The following NDNF variants were observed in gnomAD, a reference collection of about 807,000 sequenced individuals.
The protein encoded by NDNF is neuron derived neurotrophic factor.
A neutral mutation model predicts 42.0 loss-of-function variants in NDNF; 16 were observed. That is an observed-to-expected ratio of 0.38 (90% confidence interval 0.26 to 0.58). The LOEUF (loss-of-function observed/expected upper bound fraction) is 0.58. Ranked by LOEUF, NDNF falls within the 20% of genes least tolerant of loss-of-function variation. The pLI is 0.67. For missense variants in NDNF, 616 were observed against 666.2 expected, an observed-to-expected ratio of 0.92 and a Z score of 0.83; for synonymous variants, 248 against 251.7, an observed-to-expected ratio of 0.99 and a Z score of 0.14.
intron 2 of NDNF, among the ~76,000 whole-genome samples, chr4:121,043,518 G>A (rs903218871): frequency 1.3e-4 from 20 of 151,960 alleles, no homozygotes; most frequent in African/African-American, 3.6e-4. Context: ...GCGGAAAAAA[G>A]ATAAATATAA....
At chr4:121,053,472 GAGA>G (rs144732576) in intron 1 of NDNF, among the ~76,000 whole-genome samples, 2,408 of 152,274 alleles carry the variant, frequency 0.016, 30 homozygotes, top group Middle Eastern at 0.051. Context: ...TAATGCCAAT[GAGA>G]AGAATAATGA....
At chr4:121,060,448 TG>T (rs1287266945) in intron 1 of NDNF, among the ~76,000 whole-genome samples, 2 of 152,084 alleles carry the variant, frequency 1.3e-5, no homozygotes, top group Admixed American at 6.5e-5. Context: ...TCCAGAGTGT[TG>T]GGATTACAGG....
At chr4:121,045,148 C>A (rs996288230) in intron 2 of NDNF, among the ~76,000 whole-genome samples, 4 of 152,132 alleles carry the variant, frequency 2.6e-5, no homozygotes, top group Admixed American at 2.0e-4. Flanking sequence ...GTCAGGAGAT[C>A]GAGACTATCC....
chr4:121,037,065 A>G lies in NDNF; in HGVS notation c.906T>C (p.Ser302=). 1.2e-6 allele frequency: 2 copies of G among 1,613,938 alleles called. No homozygotes were observed. Among genetic ancestry groups the G allele is most frequent in the East Asian group, 4.5e-5 (2 of 44,880 alleles). Residue 302 remains serine, a synonymous_variant, in exon 4 of 4, where the codon TCT becomes TCC. Coordinates refer to ENST00000379692, the MANE Select transcript of NDNF (RefSeq NM_024574.4). The stretch of plus-strand genomic sequence containing the variant: ...AGTACTGCGTGTCGGGTTTCAGATC[A>G]GAGACGGTGAAGATGTTCTTGTTTC... ...CIGNKNIFTV[S]DLKPDTQYYF... is the part of the protein sequence containing the mutation.
chr4:121,064,243 C>T (rs938969443), intron 1 of NDNF, among the ~76,000 whole-genome samples: 3 of 152,078 alleles, frequency 2.0e-5, no homozygotes, highest in African/African-American at 7.2e-5. Context: ...ATATCTTCCT[C>T]ACTGGGTTGC....
At chr4:121,062,011 C>T (rs922081353) in intron 1 of NDNF, among the ~76,000 whole-genome samples, 1 of 152,154 alleles carries the variant, frequency 6.6e-6, no homozygotes, top group Non-Finnish European at 1.5e-5. Context: ...TATTTATCTT[C>T]AAATAGTGTA....
intron 1 of NDNF, among the ~76,000 whole-genome samples, chr4:121,066,293 C>G (rs1256387059): frequency 6.6e-6 from 1 of 152,158 alleles, no homozygotes; most frequent in Non-Finnish European, 1.5e-5. Context: ...CGTGTCTTAG[C>G]TAGCGCTGGT....
intron 1 of NDNF, among the ~76,000 whole-genome samples, chr4:121,055,456 T>C (rs1262204496): frequency 6.6e-6 from 1 of 152,090 alleles, no homozygotes; most frequent in East Asian, 1.9e-4. Context: ...AACGTGCATA[T>C]GATAAAATGA....
At chr4:121,055,131 T>C (rs1307456882) in intron 1 of NDNF, among the ~76,000 whole-genome samples, 1 of 152,166 alleles carries the variant, frequency 6.6e-6, no homozygotes, top group Non-Finnish European at 1.5e-5. Flanking sequence ...GAAAGCTCTT[T>C]AAGCACAGAA....
At chr4:121,050,335 C>T (rs1157235257) in intron 1 of NDNF, among the ~76,000 whole-genome samples, 1 of 152,154 alleles carries the variant, frequency 6.6e-6, no homozygotes, top group Non-Finnish European at 1.5e-5. Flanking sequence ...CAAAAGTGCC[C>T]TCTAATGGCA....
In NDNF at chr4:121,055,322, G is replaced by A. The variant is rs563053538; in HGVS notation, c.-1-9484C>T. ...ATGGTGGTTTTTTCAGCTTTGTAGA[G>A]GAGATGAGGAATAATGGAAAAACTG... On this transcript the variant is annotated intron_variant, in intron 1 of 3. Coordinates refer to ENST00000379692, the MANE Select transcript of NDNF (RefSeq NM_024574.4). Among the ~76,000 whole-genome samples the A allele has an allele frequency of 2.0e-5, 3 of 152,258 alleles. No individual in the cohort carries two copies. In the East Asian group the frequency reaches 5.8e-4, roughly 29 times the overall value.
At chr4:121,054,816 G>A (rs1019813285) in intron 1 of NDNF, among the ~76,000 whole-genome samples, 2 of 152,120 alleles carry the variant, frequency 1.3e-5, no homozygotes, top group Non-Finnish European at 2.9e-5. Flanking sequence ...TGTTCTAAGC[G>A]TGTTGGGAAG....
intron 1 of NDNF, among the ~76,000 whole-genome samples, chr4:121,051,217 T>C (rs1348906336): frequency 2.6e-5 from 4 of 152,122 alleles, no homozygotes; most frequent in African/African-American, 7.2e-5. Context: ...AGGACTATGG[T>C]GATGGGAACT....
At chr4:121,069,538 TA>T (rs1727555054) in intron 1 of NDNF, among the ~76,000 whole-genome samples, 1 of 152,244 alleles carries the variant, frequency 6.6e-6, no homozygotes, top group South Asian at 2.1e-4. Flanking sequence ...TGATAGTTAC[TA>T]ATTAAAACAG....
rs372003668 is a variant in NDNF, at chr4:121,045,787, T to C, written c.51A>G (p.Ser17=). The C allele has an allele frequency of 5.0e-6, 8 of 1,614,054 alleles. No homozygotes were observed. The African/African-American group carries it at 6.7e-5, about 13-fold the overall frequency. The change falls in exon 2 of 4, where the codon TCA becomes TCG. Residue 17 remains serine (S), a synonymous_variant. Coordinates refer to ENST00000379692, the MANE Select transcript of NDNF (RefSeq NM_024574.4). ...CLLWLLFPLS[S]RTQKLPTRDE... ...CCCGGGTGGGTAACTTCTGGGTCCT[T>C]GAGCTGAGTGGAAACAGGAGCCACA... is the stretch of plus-strand genomic sequence containing the variant.
At position 121,036,580 on chromosome 4, in the gene NDNF, G is replaced by A. The variant is rs1726872337; in HGVS notation, c.1391C>T (p.Ser464Leu). ...KAFDKLRTCS[S>L]ATVAWLGTQE... is the part of the protein sequence containing the mutation. ...AGTGCCTAGCCAAGCCACGGTGGCTGAGGAACAGGTACGGAGCTTGTCAAA... is the reference window on the plus strand; with the variant it reads ...AGTGCCTAGCCAAGCCACGGTGGCTAAGGAACAGGTACGGAGCTTGTCAAA... Residue 464 changes from serine to leucine, a missense_variant, in exon 4 of 4, where the codon TCA becomes TTA. Coordinates refer to ENST00000379692, the MANE Select transcript of NDNF (RefSeq NM_024574.4). 3 of 1,614,088 alleles carry A rather than the reference G, an allele frequency of 1.9e-6. No individual in the cohort carries two copies. The highest frequency in any genetic ancestry group is 2.5e-6 in the Non-Finnish European group (3 of 1,179,974).
At chr4:121,048,591 G>A (rs536322757) in intron 1 of NDNF, among the ~76,000 whole-genome samples, 1 of 152,340 alleles carries the variant, frequency 6.6e-6, no homozygotes, top group South Asian at 2.1e-4. Flanking sequence ...CGTAATCCCA[G>A]CACTTTGGGA....
In NDNF at chr4:121,037,314, G is replaced by A; in HGVS notation, c.657C>T (p.His219=). Residue 219 remains histidine, a synonymous_variant, in exon 4 of 4, where the codon CAC becomes CAT. Transcript: ENST00000379692. ...CCACTGCACAGAGACTTTTGAAATT[G>A]TGCTCTTTGTTGATGACCACACAGT... ...IQYCVVINKE[H]NFKSLCAVEA... 3.7e-6 allele frequency: 6 copies of A among 1,614,112 alleles called. 1 individual carries two copies. The South Asian group carries it at 6.6e-5, about 18-fold the overall frequency.
intron 1 of NDNF, among the ~76,000 whole-genome samples, chr4:121,069,854 G>C (rs1006512179): frequency 3.3e-5 from 5 of 152,148 alleles, no homozygotes; most frequent in African/African-American, 1.2e-4. Flanking sequence ...AAACTCATAA[G>C]AGTCACTTCT....
Sources: allele counts gnomAD v4.1 joint callset (sites outside exome capture counted in the v4.1 genomes callset), GRCh38; gene constraint gnomAD v4.1.1; transcripts MANE v1.5; gene names NCBI Gene and HGNC (gene_info 2026-07-23, HGNC 2026-07-21).